Variants in GSE1 observed in about 807,000 individuals in gnomAD.
The protein encoded by GSE1 is Gse1 coiled-coil protein.
GSE1 carries 32 observed loss-of-function variants against 112.6 expected under a neutral mutation model. The observed-to-expected ratio is 0.28, with a 90% CI of 0.21 to 0.38. GSE1 has a LOEUF of 0.38. Ranked by LOEUF, GSE1 falls within the 10% of genes least tolerant of loss-of-function variation. The pLI is 1.00. For synonymous variants in GSE1, 1,115 were observed against 735.6 expected, an observed-to-expected ratio of 1.52 and a Z score of -8.35; for missense variants, 2,348 against 1,699.2, an observed-to-expected ratio of 1.38 and a Z score of -6.71.
At chr16:85,268,739 A>T (rs889888817) in intron 1 of GSE1, among the ~76,000 whole-genome samples, 1 of 152,008 alleles carries the variant, frequency 6.6e-6, no homozygotes, top group African/African-American at 2.4e-5. Context: ...CTGTCCAGAC[A>T]CCCTCTGCCT....
At chr16:85,372,484 C>CA (rs2047322812) in intron 2 of GSE1, among the ~76,000 whole-genome samples, 1 of 33,466 alleles carries the variant, frequency 3.0e-5, no homozygotes, top group African/African-American at 9.3e-5. Context: ...GACTCTGTCT[C>CA]ACAAAAAAAA....
intron 1 of GSE1, among the ~76,000 whole-genome samples, chr16:85,192,644 C>T (rs921326965): frequency 2.6e-5 from 4 of 152,290 alleles, no homozygotes; most frequent in East Asian, 1.9e-4. Flanking sequence ...TTGCAGGTTC[C>T]GGAGCCTAAG....
rs377478240 is a variant in GSE1 at position 85,665,056 on chromosome 16, A to G, written c.2686A>G (p.Lys896Glu). The G allele has an allele frequency of 3.7e-6, 6 of 1,612,760 alleles. No homozygotes were observed. The highest frequency in any genetic ancestry group is 1.3e-5 in the African/African-American group (1 of 74,914). The change falls in exon 12 of 16, where the codon AAG becomes GAG. Residue 896 changes from lysine to glutamate, a missense_variant. Transcript: ENST00000253458. ...TGAAATGCTCCGTGCCATGAAGCAG[A>G]AGGCACTGTCAGCAGCAGTGGCCGA... ...LVEMLRAMKQ[K>E]ALSAAVADSL...
chr16:85,398,220 A>G (rs2151663176), intron 2 of GSE1, among the ~76,000 whole-genome samples: 1 of 152,280 alleles, frequency 6.6e-6, no homozygotes, highest in Non-Finnish European at 1.5e-5. Flanking sequence ...ACTGGGTGAG[A>G]TGAAGTGAGC....
At chr16:85,354,996 G>A (rs1050658132) in intron 1 of GSE1, among the ~76,000 whole-genome samples, 32 of 152,322 alleles carry the variant, frequency 2.1e-4, no homozygotes, top group Middle Eastern at 3.4e-3. Flanking sequence ...CTGAGGTGCC[G>A]CCGCCTCCTG....
In GSE1 at chr16:85,561,400, C is replaced by T. The variant is rs536419988; in HGVS notation, c.37+5037C>T. Among the ~76,000 whole-genome samples the T allele has an allele frequency of 4.1e-3, 625 of 151,822 alleles. 2 individuals are homozygous for T. The highest frequency in any genetic ancestry group is 6.2e-3 in the Non-Finnish European group (420 of 67,878). ...GTGTTGAGTGGGAGCTGGCCGCTGG[C>T]GTTGGCAGCGGCGCCCTCCGAGCCC... On this transcript the variant is annotated intron_variant, in intron 1 of 2. Coordinates refer to the GSE1 transcript ENST00000635906.
At chr16:85,513,550 A>G (rs1167815538) in intron 2 of GSE1, among the ~76,000 whole-genome samples, 1 of 151,994 alleles carries the variant, frequency 6.6e-6, no homozygotes, top group African/African-American at 2.4e-5. Flanking sequence ...CTCAACCTCA[A>G]AACACATTCC....
At chr16:85,539,663 G>A (rs1050267911) in intron 2 of GSE1, among the ~76,000 whole-genome samples, 1 of 152,200 alleles carries the variant, frequency 6.6e-6, no homozygotes, top group Non-Finnish European at 1.5e-5. Context: ...TTTCATTAGC[G>A]CCTGCGTTCA....
At chr16:85,540,828 G>A (rs916417407) in intron 2 of GSE1, among the ~76,000 whole-genome samples, 2 of 152,148 alleles carry the variant, frequency 1.3e-5, no homozygotes, top group Non-Finnish European at 2.9e-5. Flanking sequence ...GATCCCTTGA[G>A]CCCAGGAGTT....
intron 1 of GSE1, among the ~76,000 whole-genome samples, chr16:85,186,190 G>T (rs939227989): frequency 4.6e-5 from 7 of 152,186 alleles, no homozygotes; most frequent in African/African-American, 7.2e-5. Context: ...TGTAAAACAG[G>T]TTGGGTACAG....
intron 1 of GSE1, among the ~76,000 whole-genome samples, chr16:85,232,333 A>G (rs77369212): frequency 6.6e-6 from 1 of 152,070 alleles, no homozygotes; most frequent in African/African-American, 2.4e-5. Flanking sequence ...TGTCCACTTG[A>G]CATCTACTCC....
Position 85,493,643 on chromosome 16 carries a change from C to T in GSE1, c.2464+136000C>T, listed in dbSNP as rs138375551. 6.8e-4 allele frequency among the ~76,000 whole-genome samples: 103 copies of T among 152,182 alleles called. 1 individual carries two copies. The East Asian group carries it at 0.019, about 27-fold the overall frequency. ...TGGCACATGCCTGTCATCCCAGCTA[C>T]TTGGGAGGCTGAGGCAGGAGAATCG... On this transcript the variant is annotated intron_variant, in intron 2 of 2. Coordinates refer to the GSE1 transcript ENST00000637419.
intron 8 of GSE1, among the ~76,000 whole-genome samples, chr16:85,659,061 A>G (rs1420984103): frequency 6.6e-6 from 1 of 152,154 alleles, no homozygotes; most frequent in Admixed American, 6.5e-5. Context: ...CGCATGAAAT[A>G]TTTATTCTCC....
chr16:85,446,620 G>T (rs1354936280), intron 2 of GSE1, among the ~76,000 whole-genome samples: 1 of 152,166 alleles, frequency 6.6e-6, no homozygotes, highest in Non-Finnish European at 1.5e-5. Flanking sequence ...CGACCCCTAT[G>T]GGGTGTGGGT....
At chr16:85,394,501 T>C (rs1026931285) in intron 2 of GSE1, among the ~76,000 whole-genome samples, 1 of 152,136 alleles carries the variant, frequency 6.6e-6, no homozygotes, top group Non-Finnish European at 1.5e-5. Flanking sequence ...GATGAGCGGC[T>C]TGAGGGGGCT....
intron 2 of GSE1, among the ~76,000 whole-genome samples, chr16:85,526,733 T>A (rs2151170789): frequency 6.6e-6 from 1 of 152,154 alleles, no homozygotes; most frequent in South Asian, 2.1e-4. Context: ...ACCAGCCACC[T>A]CTCCCCTCAC....
At chr16:85,304,231 G>T (rs954911856) in intron 1 of GSE1, among the ~76,000 whole-genome samples, 3 of 152,244 alleles carry the variant, frequency 2.0e-5, no homozygotes, top group African/African-American at 7.2e-5. Flanking sequence ...TGAGTCCCAG[G>T]AAAAGGAAGG....
chr16:85,173,477 T>G (rs1376914679), intron 1 of GSE1, among the ~76,000 whole-genome samples: 1 of 152,184 alleles, frequency 6.6e-6, no homozygotes, highest in Non-Finnish European at 1.5e-5. Flanking sequence ...TGACATATAG[T>G]GGGACCCTCG....
At chr16:85,454,749 C>G (rs1439083996) in intron 2 of GSE1, among the ~76,000 whole-genome samples, 1 of 152,000 alleles carries the variant, frequency 6.6e-6, no homozygotes, top group Non-Finnish European at 1.5e-5. Flanking sequence ...CGTGTAGACG[C>G]GTCACTCCAG....
Sources: gnomAD v4.1 joint callset for allele counts (sites outside exome capture counted in the v4.1 genomes callset) on GRCh38, gnomAD v4.1.1 for gene constraint, MANE v1.5 for transcripts, NCBI Gene and HGNC (gene_info 2026-07-23, HGNC 2026-07-21) for gene names.